The following COL24A1 variants were observed in gnomAD, a reference collection of about 807,000 sequenced individuals.
COL24A1 encodes collagen type XXIV alpha 1 chain.
In COL24A1, 224 loss-of-function variants were observed where a neutral mutation model predicts 253.9. That is an observed-to-expected ratio of 0.88 (90% confidence interval 0.79 to 0.99). COL24A1 has a LOEUF of 0.99. Ranked by LOEUF, COL24A1 falls within the 50% of genes least tolerant of loss-of-function variation. The pLI is 0.00. For missense variants in COL24A1, 2,131 were observed against 2,068.5 expected (o/e 1.03, Z -0.59); for synonymous variants, 685 against 673.7 (o/e 1.02, Z -0.26).
At chr1:85,748,560 C>G (rs1225861250) in intron 55 of COL24A1, among the ~76,000 whole-genome samples, 2 of 151,898 alleles carry the variant, frequency 1.3e-5, no homozygotes, top group Admixed American at 6.6e-5. Flanking sequence ...CAGCTCCGGT[C>G]TACAGCTCCC....
At chr1:86,143,951 A>G (rs1488670707) in intron 2 of COL24A1, among the ~76,000 whole-genome samples, 1 of 152,148 alleles carries the variant, frequency 6.6e-6, no homozygotes, top group African/African-American at 2.4e-5. Flanking sequence ...AATTTATCTG[A>G]TAATGGTTTT....
intron 3 of COL24A1, among the ~76,000 whole-genome samples, chr1:86,117,628 T>C (rs1332598171): frequency 6.6e-6 from 1 of 152,206 alleles, no homozygotes; most frequent in Non-Finnish European, 1.5e-5. Flanking sequence ...TTCTCACATG[T>C]CTTCATAATT....
chr1:86,089,803 A>G (rs111987722), intron 6 of COL24A1, among the ~76,000 whole-genome samples: 17 of 152,332 alleles, frequency 1.1e-4, no homozygotes, highest in African/African-American at 3.8e-4. Context: ...CTCGGCAACA[A>G]GAGTGAAACT....
intron 10 of COL24A1, among the ~76,000 whole-genome samples, chr1:86,052,624 G>C (rs1700394473): frequency 6.6e-6 from 1 of 151,944 alleles, no homozygotes; most frequent in African/African-American, 2.4e-5. Context: ...TTTCAGTTTG[G>C]GAAGATGAAA....
At chr1:86,128,907 A>G (rs1224529425) in intron 2 of COL24A1, among the ~76,000 whole-genome samples, 1 of 151,956 alleles carries the variant, frequency 6.6e-6, no homozygotes, top group African/African-American at 2.4e-5. Flanking sequence ...ATCAATATGT[A>G]TGAGTTGACT....
At position 85,945,019 on chromosome 1, in the gene COL24A1, T is replaced by TTTTTTTTTTTTG. The variant is rs1689180031; in HGVS notation, c.2562+16229_2562+16230insCAAAAAAAAAAA. ...ATCATTGTGTTTTTTTTTTTTTTTT[T>TTTTTTTTTTTTG]TTTTTTTTTTTTTTTTGAGACAGAG... On this transcript the variant is annotated intron_variant, in intron 24 of 59. Transcript: ENST00000370571. Among the ~76,000 whole-genome samples the TTTTTTTTTTTTG allele has an allele frequency of 2.2e-4, 16 of 73,362 alleles. 2 individuals carry two copies. In the East Asian group the frequency reaches 2.4e-3, roughly 11 times the overall value. The allele number at this position is 73,362 out of a possible 152,430, so 48.1% of individuals were successfully genotyped here.
intron 20 of COL24A1, among the ~76,000 whole-genome samples, chr1:85,973,759 C>T (rs1168708509): frequency 6.6e-6 from 1 of 152,090 alleles, no homozygotes; most frequent in East Asian, 1.9e-4. Flanking sequence ...ATAATCCTTT[C>T]GGTGAAGCAG....
At chr1:85,946,846 C>T (rs974642756) in intron 24 of COL24A1, among the ~76,000 whole-genome samples, 6 of 152,136 alleles carry the variant, frequency 3.9e-5, no homozygotes, top group African/African-American at 1.4e-4. Flanking sequence ...CAAACTGAAA[C>T]AGAACTACTA....
intron 7 of COL24A1, among the ~76,000 whole-genome samples, chr1:86,064,209 T>C (rs911286652): frequency 8.5e-5 from 13 of 152,110 alleles, no homozygotes; most frequent in Non-Finnish European, 1.8e-4. Context: ...GCAGTTCCTC[T>C]AACCCAAATC....
chr1:86,054,649 T>A (rs1051948963), intron 10 of COL24A1, among the ~76,000 whole-genome samples: 2 of 152,080 alleles, frequency 1.3e-5, no homozygotes, highest in Non-Finnish European at 2.9e-5. Flanking sequence ...TAACAGATGT[T>A]GATGAGGTTT....
chr1:85,784,007 CTGAAA>C, intron 50 of COL24A1, 101 bp downstream of exon 50: 1 of 812,808 alleles, frequency 1.2e-6, no homozygotes, highest in Non-Finnish European at 1.9e-6. Flanking sequence ...TATGTACCAA[CTGAAA>C]TTTTACAGAT....
intron 7 of COL24A1, among the ~76,000 whole-genome samples, chr1:86,074,427 C>G (rs966212139): frequency 6.6e-6 from 1 of 152,118 alleles, no homozygotes; most frequent in Non-Finnish European, 1.5e-5. Context: ...TATACATGCA[C>G]CCAATACAGG....
intron 7 of COL24A1, among the ~76,000 whole-genome samples, chr1:86,069,218 G>A (rs12744971): frequency 0.33 from 50,806 of 151,898 alleles, 8,979 homozygotes; most frequent in Middle Eastern, 0.49. Context: ...TTTCTGGACC[G>A]TCCCTACTGT....
intron 5 of COL24A1, among the ~76,000 whole-genome samples, chr1:86,096,745 T>A (rs977424438): frequency 1.3e-5 from 2 of 152,192 alleles, no homozygotes; most frequent in Non-Finnish European, 2.9e-5. Flanking sequence ...CGAATGTGAC[T>A]AAGAGAAAAA....
chr1:86,011,783 C>G (rs1162689845), intron 19 of COL24A1, among the ~76,000 whole-genome samples: 1 of 152,128 alleles, frequency 6.6e-6, no homozygotes, highest in Admixed American at 6.6e-5. Context: ...ATGCAGAGAA[C>G]AAGGAGAATG....
intron 47 of COL24A1, among the ~76,000 whole-genome samples, chr1:85,788,371 G>A (rs1435667039): frequency 1.3e-5 from 2 of 152,186 alleles, no homozygotes; most frequent in East Asian, 1.9e-4. Context: ...GATTATAGGC[G>A]TGAGCCACCG....
intron 12 of COL24A1, among the ~76,000 whole-genome samples, chr1:86,037,692 A>G (rs757871909): frequency 1.2e-4 from 19 of 152,210 alleles, no homozygotes; most frequent in Non-Finnish European, 2.5e-4. Context: ...AGTAACACCT[A>G]GATTCCTGAC....
intron 2 of COL24A1, among the ~76,000 whole-genome samples, chr1:86,131,687 G>T (rs1649232637): frequency 6.6e-6 from 1 of 152,154 alleles, no homozygotes; most frequent in East Asian, 1.9e-4. Context: ...CAAAGGACAT[G>T]AACTCATCAT....
intron 43 of COL24A1, among the ~76,000 whole-genome samples, chr1:85,829,964 G>A (rs150265999): frequency 0.021 from 3,234 of 152,218 alleles, 127 homozygotes; most frequent in African/African-American, 0.074. Context: ...TGTTGCTGGT[G>A]AGGAACTGCG....
Sources: allele counts gnomAD v4.1 joint callset (sites outside exome capture counted in the v4.1 genomes callset), GRCh38; gene constraint gnomAD v4.1.1; transcripts MANE v1.5; gene names NCBI Gene and HGNC (gene_info 2026-07-23, HGNC 2026-07-21).